Variants in RAB18 observed in about 807,000 individuals in gnomAD.
The protein encoded by RAB18 is RAB18, member RAS oncogene family.
RAB18 carries 10 observed loss-of-function variants against 28.5 expected under a neutral mutation model. The observed-to-expected ratio is 0.35, with a 90% CI of 0.22 to 0.60. The LOEUF (loss-of-function observed/expected upper bound fraction) is 0.60, where lower values mean the gene tolerates loss of function less well. Ranked by LOEUF, RAB18 falls within the 20% of genes least tolerant of loss-of-function variation. The pLI is 0.78. For synonymous variants in RAB18, 93 were observed against 86.9 expected (o/e 1.07, Z -0.39); for missense variants, 188 against 244.2 (o/e 0.77, Z 1.53).
chr10:27,516,322 G>A (rs1384685954), intron 2 of RAB18, among the ~76,000 whole-genome samples: 2 of 152,096 alleles, frequency 1.3e-5, no homozygotes, highest in African/African-American at 2.4e-5. Flanking sequence ...TTGGGAGGCC[G>A]AGGCAGGTGG....
Position 27,534,434 on chromosome 10 carries a change from C to T in RAB18, c.445+440C>T, listed in dbSNP as rs139029208. Reference sequence around the variant, plus strand: ...TTAATTTTTGAGAAACATGGTCCAGCAAGAGTTGCCAAACTACAGCCTGGT... The same window carrying T: ...TTAATTTTTGAGAAACATGGTCCAGTAAGAGTTGCCAAACTACAGCCTGGT... On this transcript the variant is annotated intron_variant, in intron 6 of 6. Transcript: ENST00000356940. Among the ~76,000 whole-genome samples the T allele has an allele frequency of 1.6e-3, 244 of 152,340 alleles. 1 individual carries two copies. Among genetic ancestry groups the T allele is most frequent in the Admixed American group, 2.7e-3 (42 of 15,306 alleles).
In RAB18 at chr10:27,540,404, A is replaced by G. The variant is rs1472007427; in HGVS notation, c.*2353A>G. 6.6e-6 allele frequency: 3 copies of G among 453,952 alleles called. No homozygotes were observed. Among genetic ancestry groups the G allele is most frequent in the African/African-American group, 6.0e-5 (3 of 50,004 alleles). The allele number at this position is 453,952 out of a possible 1,614,324, so 28.1% of individuals were successfully genotyped here. On this transcript the variant is annotated 3_prime_UTR_variant, in exon 7 of 7. Coordinates refer to ENST00000356940, the MANE Select transcript of RAB18 (RefSeq NM_021252.5). ...GAGCCCATACTCTTCACCATCGCTC[A>G]TTTTACAATGGGTAGTTAGTTACCA...
intron 3 of RAB18, among the ~76,000 whole-genome samples, chr10:27,528,132 G>A (rs1237201890): frequency 6.6e-6 from 1 of 152,042 alleles, no homozygotes; most frequent in Non-Finnish European, 1.5e-5. Context: ...TTCCGGCCTT[G>A]CTGCTGCTTT....
rs1466305573 is a variant in RAB18, at chr10:27,539,282, G to T, written c.*1231G>T. 5 of 302,048 alleles carry T rather than the reference G, an allele frequency of 1.7e-5. No individual in the cohort carries two copies. In the East Asian group the frequency reaches 3.5e-4, roughly 21 times the overall value. 18.7% of individuals were successfully genotyped at this position (302,048 alleles called of 1,614,324 possible). ...ATAAGTTATTTGTCCTTTAAGGTTGGTTACTATAATACCCCTCAGTAAGAT... is the reference window on the plus strand; with the variant it reads ...ATAAGTTATTTGTCCTTTAAGGTTGTTTACTATAATACCCCTCAGTAAGAT... On this transcript the variant is annotated 3_prime_UTR_variant, in exon 7 of 7. Transcript: ENST00000356940.
intron 2 of RAB18, among the ~76,000 whole-genome samples, chr10:27,523,406 C>T (rs1834606677): frequency 6.6e-6 from 1 of 150,872 alleles, no homozygotes; most frequent in Non-Finnish European, 1.5e-5. Context: ...TTTTCCTCAA[C>T]TCCATTGTTT....
At chr10:27,510,676 CACTTA>C (rs1834307148) in intron 2 of RAB18, among the ~76,000 whole-genome samples, 1 of 152,282 alleles carries the variant, frequency 6.6e-6, no homozygotes, top group African/African-American at 2.4e-5. Flanking sequence ...TTGATGAAGT[CACTTA>C]ACTTACTAAC....
At chr10:27,507,052 AT>A (rs1386295446) in intron 1 of RAB18, among the ~76,000 whole-genome samples, 2 of 152,208 alleles carry the variant, frequency 1.3e-5, no homozygotes, top group African/African-American at 4.8e-5. Context: ...ATGAGAATAA[AT>A]GACTCCACTG....
chr10:27,526,964 G>A (rs1283370326), intron 3 of RAB18, 75 bp downstream of exon 3: 3 of 1,435,284 alleles, frequency 2.1e-6, no homozygotes, highest in Non-Finnish European at 2.9e-6. Flanking sequence ...TTTGTGTAGT[G>A]TTCTAGAGGT....
At chr10:27,516,165 G>A (rs1011129266) in intron 2 of RAB18, among the ~76,000 whole-genome samples, 3 of 152,032 alleles carry the variant, frequency 2.0e-5, no homozygotes, top group African/African-American at 7.3e-5. Context: ...TGTTCTCTAA[G>A]AACCAATTCT....
At chr10:27,516,102 G>A (rs1454133129) in intron 2 of RAB18, among the ~76,000 whole-genome samples, 1 of 151,378 alleles carries the variant, frequency 6.6e-6, no homozygotes, top group African/African-American at 2.4e-5. Flanking sequence ...TTTTTGGTTT[G>A]TTAAGATAAA....
chr10:27,516,552 C>G (rs538072987), intron 2 of RAB18, among the ~76,000 whole-genome samples: 19 of 148,828 alleles, frequency 1.3e-4, no homozygotes, highest in African/African-American at 4.0e-4. Context: ...AGAGAGACTC[C>G]ATCTCAAAAA....
intron 3 of RAB18, among the ~76,000 whole-genome samples, chr10:27,530,264 A>G (rs1834759882): frequency 6.6e-6 from 1 of 152,068 alleles, no homozygotes; most frequent in Non-Finnish European, 1.5e-5. Flanking sequence ...TGTTATGAAT[A>G]TAGAACAGTG....
rs1835054721 is a variant in RAB18 at position 27,542,222 on chromosome 10, CT to C, written c.*4177del. ...TTCACTTATGTGAGCCAATAAATTC[CT>C]TTTTTGTTGAAGGCAATTTGACTTG... On this transcript the variant is annotated 3_prime_UTR_variant, in exon 7 of 7. Transcript: ENST00000356940. The C allele has an allele frequency of 2.2e-6, 1 of 453,858 alleles. No individual in the cohort carries two copies. The highest frequency in any genetic ancestry group is 4.4e-6 in the Non-Finnish European group (1 of 226,764). 28.1% of individuals were successfully genotyped at this position (453,858 alleles called of 1,614,324 possible).
chr10:27,528,715 C>T (rs58152566), intron 3 of RAB18, among the ~76,000 whole-genome samples: 13 of 152,120 alleles, frequency 8.5e-5, no homozygotes, highest in African/African-American at 3.1e-4. Flanking sequence ...CTGATTTATA[C>T]GTCTGTGTGT....
In RAB18 at chr10:27,504,405, C is replaced by T; in HGVS notation, c.36C>T (p.Leu12=). The change falls in exon 1 of 7, where the codon CTC becomes CTT. Residue 12 remains leucine, a synonymous_variant. Coordinates refer to ENST00000356940, the MANE Select transcript of RAB18 (RefSeq NM_021252.5). Reference sequence around the variant, plus strand: ...ACGTGCTAACCACCCTGAAGATCCTCATCATCGGCGAGAGTGGGGTGGGCA... The same window carrying T: ...ACGTGCTAACCACCCTGAAGATCCTTATCATCGGCGAGAGTGGGGTGGGCA... The part of the protein sequence containing the change: ...DEDVLTTLKI[L]IIGESGVGKS... 1.3e-6 allele frequency: 2 copies of T among 1,573,884 alleles called. No homozygotes were observed. The highest frequency in any genetic ancestry group is 1.7e-6 in the Non-Finnish European group (2 of 1,159,690).
Position 27,504,310 on chromosome 10 carries a change from C to T in RAB18, c.-60C>T. 6.6e-7 allele frequency: 1 copy of T among 1,515,138 alleles called. No individual in the cohort carries two copies. The highest frequency in any genetic ancestry group is 8.9e-7 in the Non-Finnish European group (1 of 1,118,062). 93.9% of individuals were successfully genotyped at this position (1,515,138 alleles called of 1,614,324 possible). A position where few individuals can be genotyped will look rare whatever the true frequency, so the allele number is the denominator to read the frequency against. Reference sequence around the variant, plus strand: ...CGCGCATGCGCAGCAGCTCACTCTGCTGAAGGGCTGAGAGGCGCACCCGGG... The same window carrying T: ...CGCGCATGCGCAGCAGCTCACTCTGTTGAAGGGCTGAGAGGCGCACCCGGG... On this transcript the variant is annotated 5_prime_UTR_variant, in exon 1 of 7. Transcript: ENST00000356940.
chr10:27,537,774 A>G (rs933583400), intron 6 of RAB18, 102 bp from the exon 7 acceptor site: 1 of 983,664 alleles, frequency 1.0e-6, no homozygotes, highest in African/African-American at 1.6e-5. Flanking sequence ...GGATCTTAAT[A>G]TATTGTAGGC....
intron 6 of RAB18, among the ~76,000 whole-genome samples, chr10:27,534,827 T>C (rs1235193416): frequency 1.3e-5 from 2 of 152,238 alleles, no homozygotes; most frequent in East Asian, 1.9e-4. Context: ...GGACTTCATA[T>C]ATAGATAAAA....
At chr10:27,507,899 C>T (rs1362010267) in intron 1 of RAB18, among the ~76,000 whole-genome samples, 1 of 151,586 alleles carries the variant, frequency 6.6e-6, no homozygotes, top group Admixed American at 6.6e-5. Context: ...AAAAATTAGC[C>T]GGCCATGGTG....
Sources: allele counts gnomAD v4.1 joint callset (sites outside exome capture counted in the v4.1 genomes callset), GRCh38; gene constraint gnomAD v4.1.1; transcripts MANE v1.5; gene names NCBI Gene and HGNC (gene_info 2026-07-23, HGNC 2026-07-21).